SNX29: variants seen among roughly 807,000 people sequenced by gnomAD.
SNX29 encodes sorting nexin 29.
Under a neutral mutation model 102.1 loss-of-function variants are expected in SNX29, and 78 were observed. The observed-to-expected ratio is 0.76, with a 90% CI of 0.64 to 0.92. The LOEUF is 0.92. SNX29 is among the 40% of genes least tolerant of loss of function. The pLI, the probability that SNX29 is intolerant of heterozygous loss-of-function variation, is 0.00. For missense variants in SNX29, 1,280 were observed against 1,061.7 expected (o/e 1.21, Z -2.86); for synonymous variants, 580 against 414.5 (o/e 1.40, Z -4.85).
intron 11 of SNX29, among the ~76,000 whole-genome samples, chr16:12,108,369 C>A (rs1300266378): frequency 3.9e-5 from 6 of 152,130 alleles, no homozygotes; most frequent in African/African-American, 1.4e-4. Flanking sequence ...TGAGTGGCTT[C>A]CATGAGAAAA....
chr16:12,269,584 C>A (rs1332184577), intron 14 of SNX29, among the ~76,000 whole-genome samples: 1 of 152,114 alleles, frequency 6.6e-6, no homozygotes, highest in Non-Finnish European at 1.5e-5. Flanking sequence ...TTCTTGGATT[C>A]CAGCAGGTGT....
chr16:12,502,017 GT>G (rs1418136556), intron 19 of SNX29, among the ~76,000 whole-genome samples: 1 of 152,130 alleles, frequency 6.6e-6, no homozygotes, highest in Non-Finnish European at 1.5e-5. Context: ...ACTCATGCAG[GT>G]TTTACTGCCA....
intron 11 of SNX29, chr16:12,081,514 T>C (rs1239909535): frequency 6.6e-6 from 1 of 151,458 alleles, no homozygotes; most frequent in Non-Finnish European, 1.5e-5. Flanking sequence ...AGGACAACAA[T>C]GAAGTTCTGT....
intron 15 of SNX29, among the ~76,000 whole-genome samples, chr16:12,284,952 C>A (rs1039638043): frequency 5.9e-5 from 9 of 152,130 alleles, no homozygotes; most frequent in Non-Finnish European, 1.0e-4. Context: ...TCTCGAACTC[C>A]TGACCTCAGG....
chr16:12,255,253 T>C (rs543723179), intron 14 of SNX29, among the ~76,000 whole-genome samples: 1 of 152,180 alleles, frequency 6.6e-6, no homozygotes, highest in Non-Finnish European at 1.5e-5. Context: ...TGGAGCGCAA[T>C]GGCGTGATCT....
intron 11 of SNX29, among the ~76,000 whole-genome samples, chr16:12,084,876 C>T (rs1260477409): frequency 6.6e-6 from 1 of 152,028 alleles, no homozygotes; most frequent in African/African-American, 2.4e-5. Context: ...TGAGACTAGC[C>T]AGGCCAACAT....
chr16:12,565,248 G>A (rs539671854), intron 20 of SNX29, among the ~76,000 whole-genome samples: 1 of 152,164 alleles, frequency 6.6e-6, no homozygotes, highest in Non-Finnish European at 1.5e-5. Context: ...AATCTATAAA[G>A]ATGGCAGTTG....
intron 20 of SNX29, among the ~76,000 whole-genome samples, chr16:12,551,439 C>CA (rs1470716442): frequency 2.0e-5 from 3 of 152,178 alleles, no homozygotes; most frequent in African/African-American, 4.8e-5. Context: ...TTCGATCACC[C>CA]AGCATGCTTT....
chr16:12,461,979 ATATATATATAT>A (rs1340093820), intron 18 of SNX29, among the ~76,000 whole-genome samples: 3 of 27,778 alleles, frequency 1.1e-4, no homozygotes, highest in South Asian at 1.9e-3. Flanking sequence ...AAAAAAAAAA[ATATATATATAT>A]ATATATATAT....
At chr16:12,476,365 AAAAAAAAAAAAAAAAAAAAT>A (rs1177341397) in intron 18 of SNX29, among the ~76,000 whole-genome samples, 11 of 20,502 alleles carry the variant, frequency 5.4e-4, no homozygotes, top group Non-Finnish European at 8.7e-4. Flanking sequence ...AAAAAAAAAA[AAAAAAAAAAAAAAAAAAAAT>A]ATATATATAT....
chr16:12,105,349 C>T (rs144438146), intron 11 of SNX29, among the ~76,000 whole-genome samples: 15 of 152,018 alleles, frequency 9.9e-5, no homozygotes, highest in Admixed American at 1.3e-4. Context: ...CTCAGCCACC[C>T]GAGTAGCTGG....
chr16:12,283,343 C>G (rs1222502492), intron 15 of SNX29, among the ~76,000 whole-genome samples: 1 of 142,496 alleles, frequency 7.0e-6, no homozygotes, highest in Non-Finnish European at 1.5e-5. Flanking sequence ...TTTTTTGAGA[C>G]AGAGCCTCAC....
rs997277673 is a variant in SNX29, at chr16:12,211,993, C to T, written c.1678+12310C>T. 2.0e-5 allele frequency among the ~76,000 whole-genome samples: 3 copies of T among 152,122 alleles called. No individual in the cohort carries two copies. The East Asian group carries it at 5.8e-4, about 29-fold the overall frequency. ...TCATCCACCTAGAAAGTAGTAGAGC[C>T]GAGATTCCTACCCAGATCTGTCTGT... On this transcript the variant is annotated intron_variant, in intron 14 of 20. Transcript: ENST00000566228.
intron 18 of SNX29, among the ~76,000 whole-genome samples, chr16:12,440,999 C>A (rs1259017192): frequency 6.6e-6 from 1 of 151,554 alleles, no homozygotes; most frequent in African/African-American, 2.4e-5. Flanking sequence ...AGAAATCATA[C>A]AATACGTGGC....
chr16:12,261,417 T>C (rs1351152714), intron 14 of SNX29, among the ~76,000 whole-genome samples: 1 of 103,226 alleles, frequency 9.7e-6, no homozygotes, highest in Non-Finnish European at 1.9e-5. Flanking sequence ...AAGTGTTTGC[T>C]CTGAGCTCCG....
In SNX29 at chr16:12,003,051, T is replaced by C; in HGVS notation, c.122+8T>C. 1 of 1,614,096 alleles carries C rather than the reference T, an allele frequency of 6.2e-7. No individual in the cohort carries two copies. Among genetic ancestry groups the C allele is most frequent in the African/African-American group, 1.3e-5 (1 of 75,022 alleles). ...CTCGGATTCCGACAGCAGGTAAATATGTCACTTCTAAAACCGTTGACCATC... is the reference window on the plus strand; with the variant it reads ...CTCGGATTCCGACAGCAGGTAAATACGTCACTTCTAAAACCGTTGACCATC... On this transcript the variant is annotated splice_region_variant and intron_variant, in intron 3 of 20. Coordinates refer to ENST00000566228, the MANE Select transcript of SNX29 (RefSeq NM_032167.5).
At chr16:12,073,313 C>T (rs2151315691) in intron 10 of SNX29, among the ~76,000 whole-genome samples, 1 of 152,150 alleles carries the variant, frequency 6.6e-6, no homozygotes, top group Admixed American at 6.5e-5. Context: ...GCATTTAGTG[C>T]TATAAATTTC....
rs11864550 is a variant in SNX29 at position 12,552,724 on chromosome 16, G to C, written c.2319-15782G>C. Among the ~76,000 whole-genome samples the C allele has an allele frequency of 6.9e-3, 1,044 of 152,348 alleles. 17 individuals carry two copies. The highest frequency in any genetic ancestry group is 0.024 in the African/African-American group (998 of 41,570). On this transcript the variant is annotated intron_variant, in intron 20 of 20. Transcript: ENST00000566228. ...TTTAGATTGGGGGACTGATAGAAGA[G>C]ACATGGTATCTCCAGTGAAATCACT... is the stretch of plus-strand genomic sequence containing the variant.
chr16:12,222,010 G>C (rs1336021257), intron 14 of SNX29, among the ~76,000 whole-genome samples: 1 of 152,250 alleles, frequency 6.6e-6, no homozygotes, highest in Non-Finnish European at 1.5e-5. Flanking sequence ...GTTAGGTAGA[G>C]AGGATGATAA....
Sources: gnomAD v4.1 joint callset for allele counts (sites outside exome capture counted in the v4.1 genomes callset) on GRCh38, gnomAD v4.1.1 for gene constraint, MANE v1.5 for transcripts, NCBI Gene and HGNC (gene_info 2026-07-23, HGNC 2026-07-21) for gene names.